The following GDAP2 variants were observed in gnomAD, a reference collection of about 807,000 sequenced individuals.
The protein encoded by GDAP2 is ganglioside induced differentiation associated protein 2.
Under a neutral mutation model 67.0 loss-of-function variants are expected in GDAP2, and 51 were observed. The observed-to-expected ratio is 0.76, with a 90% confidence interval of 0.61 to 0.96. The LOEUF (loss-of-function observed/expected upper bound fraction) is 0.96, where lower values mean the gene tolerates loss of function less well. Ranked by LOEUF, GDAP2 falls within the 40% of genes least tolerant of loss-of-function variation. The probability of loss-of-function intolerance (pLI) is 0.00; values close to 1 mark genes in which losing one functional copy is unlikely to be tolerated. For synonymous variants in GDAP2, 203 were observed against 207.3 expected (o/e 0.98, Z 0.18); for missense variants, 547 against 588.3 (o/e 0.93, Z 0.73).
intron 1 of GDAP2, among the ~76,000 whole-genome samples, chr1:117,922,591 G>C (rs1032153139): frequency 6.6e-6 from 1 of 152,144 alleles, no homozygotes; most frequent in African/African-American, 2.4e-5. Context: ...TGGGTGTCCA[G>C]GGGAGACATC....
At chr1:117,911,934 C>G in intron 5 of GDAP2, 60 bp downstream of exon 5, 1 of 943,132 alleles carries the variant, frequency 1.1e-6, no homozygotes, top group Non-Finnish European at 1.7e-6. Context: ...AGCCACCATG[C>G]CCAGAATTTA....
At chr1:117,877,861 A>C in intron 13 of GDAP2, 148 bp downstream of exon 13, 1 of 1,276,372 alleles carries the variant, frequency 7.8e-7, no homozygotes, top group Non-Finnish European at 1.0e-6. Flanking sequence ...TCATAGGGAA[A>C]GTATGTTAAA....
intron 9 of GDAP2, 38 bp downstream of exon 9, chr1:117,887,660 A>G: frequency 3.1e-6 from 3 of 971,498 alleles, no homozygotes; most frequent in Non-Finnish European, 5.1e-6. Context: ...AGGGCTCTTA[A>G]TTAGTGAAAG....
At position 117,906,616 on chromosome 1, in the gene GDAP2, T is replaced by TA. The variant is rs543251162; in HGVS notation, c.560-35dup. ...AAGAATAGAAAGATTACTCAATAAA[T>TA]AAAAAATTACTTATACATAAAGAAA... On this transcript the variant is annotated intron_variant, in intron 5 of 13. Transcript: ENST00000369443. The TA allele has an allele frequency of 2.8e-4, 316 of 1,124,950 alleles. 2 individuals are homozygous for TA. Among genetic ancestry groups the TA allele is most frequent in the Middle Eastern group, 1.9e-3 (9 of 4,836 alleles). 69.7% of individuals were successfully genotyped at this position (1,124,950 alleles called of 1,614,324 possible).
intron 2 of GDAP2, among the ~76,000 whole-genome samples, chr1:117,919,130 T>C (rs1013070246): frequency 6.6e-6 from 1 of 152,174 alleles, no homozygotes; most frequent in Non-Finnish European, 1.5e-5. Flanking sequence ...ATTCCAGCAC[T>C]TTGGGAGGCC....
In GDAP2 at chr1:117,864,305, G is replaced by A. The variant is rs1647990596; in HGVS notation, c.*6264C>T. On this transcript the variant is annotated 3_prime_UTR_variant, in exon 14 of 14. Transcript: ENST00000369443. ...CCCAGTTCTACATTAGTGGTGGAAG[G>A]CTTATGGAGAACAGAGGCTGTTTTA... is the stretch of plus-strand genomic sequence containing the variant. 1 of 152,204 alleles carries A rather than the reference G, an allele frequency of 6.6e-6. No individual in the cohort carries two copies. The highest frequency in any genetic ancestry group is 1.5e-5 in the Non-Finnish European group (1 of 68,050). 9.4% of individuals were successfully genotyped at this position (152,204 alleles called of 1,614,324 possible). A position where few individuals can be genotyped will look rare whatever the true frequency, so the allele number is the denominator to read the frequency against.
chr1:117,874,264 C>G (rs1648384145), intron 13 of GDAP2, among the ~76,000 whole-genome samples: 1 of 152,164 alleles, frequency 6.6e-6, no homozygotes, highest in East Asian at 1.9e-4. Context: ...TCATAAATGT[C>G]TTGGTGCTGT....
chr1:117,886,783 A>T, intron 9 of GDAP2, 130 bp from the exon 10 acceptor site: 1 of 592,786 alleles, frequency 1.7e-6, no homozygotes, highest in Admixed American at 3.0e-5. Flanking sequence ...AAGTTGCTCA[A>T]ATTTCATCTT....
In GDAP2 at chr1:117,865,874, G is replaced by C. The variant is rs1288734839; in HGVS notation, c.*4695C>G. 6.6e-6 allele frequency: 1 copy of C among 152,182 alleles called. No individual in the cohort carries two copies. The highest frequency in any genetic ancestry group is 1.5e-5 in the Non-Finnish European group (1 of 68,030). The allele number at this position is 152,182 out of a possible 1,614,324, so 9.4% of individuals were successfully genotyped here. ...TACCATCTGTTTAAGGACTAGTTCA[G>C]TAAGACTCAAAGATTGAACTAGGTT... On this transcript the variant is annotated 3_prime_UTR_variant, in exon 14 of 14. Transcript: ENST00000369443.
At chr1:117,874,027 C>T (rs1405697300) in intron 13 of GDAP2, among the ~76,000 whole-genome samples, 1 of 152,176 alleles carries the variant, frequency 6.6e-6, no homozygotes, top group Non-Finnish European at 1.5e-5. Flanking sequence ...AATGGCAATT[C>T]TCCCTTGCAG....
chr1:117,917,059 A>G (rs1650073933), intron 3 of GDAP2, among the ~76,000 whole-genome samples: 1 of 152,066 alleles, frequency 6.6e-6, no homozygotes, highest in South Asian at 2.1e-4. Flanking sequence ...AGAAAGAAAA[A>G]GAAAAATGGA....
In GDAP2 at chr1:117,920,390, A is replaced by G. The variant is rs754784248; in HGVS notation, c.-33T>C. The G allele has an allele frequency of 7.0e-7, 1 of 1,424,234 alleles. No individual in the cohort carries two copies. The highest frequency in any genetic ancestry group is 1.3e-5 in the South Asian group (1 of 79,542). The allele number at this position is 1,424,234 out of a possible 1,614,324, so 88.2% of individuals were successfully genotyped here. ...GAACTTTGATTTGTCTTTTCCCAAAATCCTCAGCAATTCAATATTCACTGG... is the reference window on the plus strand; with the variant it reads ...GAACTTTGATTTGTCTTTTCCCAAAGTCCTCAGCAATTCAATATTCACTGG... On this transcript the variant is annotated 5_prime_UTR_variant, in exon 2 of 14. Transcript: ENST00000369443.
chr1:117,879,016 TATA>T (rs1648562181), intron 12 of GDAP2, among the ~76,000 whole-genome samples: 1 of 152,198 alleles, frequency 6.6e-6, no homozygotes, highest in African/African-American at 2.4e-5. Flanking sequence ...GCAGGCTTCT[TATA>T]ATAACATTAT....
intron 7 of GDAP2, among the ~76,000 whole-genome samples, chr1:117,898,496 C>A (rs1024931649): frequency 9.2e-5 from 14 of 152,170 alleles, no homozygotes; most frequent in Admixed American, 3.9e-4. Context: ...AGACTCAGTC[C>A]CAGCACTGAA....
chr1:117,877,915 T>C, intron 13 of GDAP2, 94 bp downstream of exon 13: 1 of 1,425,340 alleles, frequency 7.0e-7, no homozygotes, highest in Non-Finnish European at 9.3e-7. Context: ...TACATTAATA[T>C]CTGGTAATGA....
rs886669422 is a variant in GDAP2 at position 117,865,496 on chromosome 1, T to C, written c.*5073A>G. On this transcript the variant is annotated 3_prime_UTR_variant, in exon 14 of 14. Transcript: ENST00000369443. ...GCCCAATACCAATTAAAATCATTTA[T>C]ATATGTTAAGCTCTTAAATATTTAG... 6.6e-6 allele frequency: 1 copy of C among 152,234 alleles called. No individual in the cohort carries two copies. Among genetic ancestry groups the C allele is most frequent in the Non-Finnish European group, 1.5e-5 (1 of 68,030 alleles). The allele number at this position is 152,234 out of a possible 1,614,324, so 9.4% of individuals were successfully genotyped here. A position where few individuals can be genotyped will look rare whatever the true frequency, so the allele number is the denominator to read the frequency against.
intron 8 of GDAP2, 94 bp from the exon 9 acceptor site, chr1:117,887,868 A>C: frequency 1.4e-6 from 1 of 711,752 alleles, no homozygotes; most frequent in Non-Finnish European, 2.5e-6. Context: ...TGACCCTAAA[A>C]ATTTTCAAGT....
chr1:117,882,600 C>T (rs1053019044), intron 11 of GDAP2, among the ~76,000 whole-genome samples: 2 of 152,236 alleles, frequency 1.3e-5, no homozygotes, highest in South Asian at 4.1e-4. Flanking sequence ...AGAAATAGTA[C>T]AAACTATTTC....
At chr1:117,872,944 A>T (rs969234537) in intron 13 of GDAP2, among the ~76,000 whole-genome samples, 4 of 152,194 alleles carry the variant, frequency 2.6e-5, no homozygotes, top group Non-Finnish European at 5.9e-5. Context: ...TTACAGAAAC[A>T]TGCCCTGAAG....
Sources: allele counts gnomAD v4.1 joint callset (sites outside exome capture counted in the v4.1 genomes callset), GRCh38; gene constraint gnomAD v4.1.1; transcripts MANE v1.5; gene names NCBI Gene and HGNC (gene_info 2026-07-23, HGNC 2026-07-21).